The following XRCC4 variants were observed in gnomAD, a reference collection of about 807,000 sequenced individuals.
XRCC4 encodes DNA repair protein XRCC4.
XRCC4 carries 28 observed loss-of-function variants against 39.1 expected under a neutral mutation model. The ratio of observed to expected loss-of-function variants is 0.72; its 90% CI spans 0.53 to 0.98. The LOEUF (loss-of-function observed/expected upper bound fraction) is 0.98, where lower values mean the gene tolerates loss of function less well. Among genes scored for constraint, XRCC4 ranks in the 50% least tolerant of loss-of-function variants. The pLI is 0.00. For synonymous variants in XRCC4, 123 were observed against 126.4 expected, an observed-to-expected ratio of 0.97 and a Z score of 0.18; for missense variants, 350 against 376.4, an observed-to-expected ratio of 0.93 and a Z score of 0.58.
intron 3 of XRCC4, among the ~76,000 whole-genome samples, chr5:83,163,153 G>A (rs1749302005): frequency 6.6e-6 from 1 of 151,790 alleles, no homozygotes; most frequent in Non-Finnish European, 1.5e-5. Context: ...CACCATTTTG[G>A]CCAGGTTGGT....
intron 1 of XRCC4, among the ~76,000 whole-genome samples, chr5:83,086,897 G>A (rs901312823): frequency 3.3e-5 from 5 of 151,960 alleles, no homozygotes; most frequent in East Asian, 1.9e-4. Flanking sequence ...CTGAATGTTC[G>A]TACCTAAATG....
intron 3 of XRCC4, among the ~76,000 whole-genome samples, chr5:83,152,834 G>A (rs1748778988): frequency 6.6e-6 from 1 of 152,114 alleles, no homozygotes; most frequent in Non-Finnish European, 1.5e-5. Context: ...TGGTCGTGCA[G>A]TCGATCTACA....
intron 6 of XRCC4, among the ~76,000 whole-genome samples, chr5:83,257,000 A>C (rs900055937): frequency 6.6e-6 from 1 of 152,140 alleles, no homozygotes; most frequent in Admixed American, 6.6e-5. Context: ...CCAAAACATA[A>C]GATCTGGAAA....
chr5:83,134,998 T>G (rs1747818446), intron 3 of XRCC4, among the ~76,000 whole-genome samples: 1 of 152,128 alleles, frequency 6.6e-6, no homozygotes, highest in Admixed American at 6.5e-5. Context: ...AGGAACAAAC[T>G]CTGGACACAC....
intron 3 of XRCC4, among the ~76,000 whole-genome samples, chr5:83,152,752 T>C (rs1338308305): frequency 1.3e-5 from 2 of 152,202 alleles, no homozygotes; most frequent in African/African-American, 4.8e-5. Flanking sequence ...TTTGACATAA[T>C]TGTAGATTCA....
At chr5:83,275,009 A>C (rs984460484) in intron 7 of XRCC4, among the ~76,000 whole-genome samples, 5 of 152,198 alleles carry the variant, frequency 3.3e-5, no homozygotes, top group African/African-American at 1.2e-4. Context: ...TAACAGACAG[A>C]TCAGTTAGGA....
chr5:83,183,412 TTG>T (rs369446374), intron 3 of XRCC4, among the ~76,000 whole-genome samples: 10,523 of 139,298 alleles, frequency 0.076, 750 homozygotes, highest in East Asian at 0.34. Context: ...TTTCATTTAT[TTG>T]TGTGTGTGTG....
At chr5:83,323,625 T>A (rs1756149808) in intron 7 of XRCC4, among the ~76,000 whole-genome samples, 1 of 152,022 alleles carries the variant, frequency 6.6e-6, no homozygotes, top group African/African-American at 2.4e-5. Context: ...TGCTTAGATG[T>A]TTTTGGCCAA....
intron 7 of XRCC4, among the ~76,000 whole-genome samples, chr5:83,344,205 GAAATTTAAATA>G (rs2112210896): frequency 6.6e-6 from 1 of 151,260 alleles, no homozygotes; most frequent in African/African-American, 2.4e-5. Flanking sequence ...GCATGGTTTT[GAAATTTAAATA>G]AATATAATCA....
In XRCC4 at chr5:83,264,865, G is replaced by T. The variant is rs117000677; in HGVS notation, c.893+6188G>T. On this transcript the variant is annotated intron_variant, in intron 7 of 7. Transcript: ENST00000396027. ...TTTATATATAGAGAGAGTTATACAT[G>T]GAATTACACATATATTACACATACA... Among the ~76,000 whole-genome samples, 7 of 152,144 alleles carry T rather than the reference G, an allele frequency of 4.6e-5. No individual in the cohort carries two copies. In the East Asian group the frequency reaches 9.7e-4, roughly 21 times the overall value.
intron 1 of XRCC4, among the ~76,000 whole-genome samples, chr5:83,090,034 G>A (rs1745351119): frequency 6.6e-6 from 1 of 152,118 alleles, no homozygotes. Context: ...GCAGGAAGCT[G>A]TTCACATCTC....
intron 7 of XRCC4, among the ~76,000 whole-genome samples, chr5:83,297,243 A>C (rs1318731061): frequency 6.6e-6 from 1 of 152,002 alleles, no homozygotes; most frequent in Non-Finnish European, 1.5e-5. Flanking sequence ...ATGATAAAAT[A>C]TTTAAAACAA....
At chr5:83,147,318 G>A (rs375892810) in intron 3 of XRCC4, among the ~76,000 whole-genome samples, 10 of 152,212 alleles carry the variant, frequency 6.6e-5, no homozygotes, top group Admixed American at 1.3e-4. Context: ...TCCATCAGTA[G>A]ATGAATGGAG....
intron 3 of XRCC4, among the ~76,000 whole-genome samples, chr5:83,184,979 G>C (rs760303383): frequency 6.6e-6 from 1 of 152,018 alleles, no homozygotes; most frequent in African/African-American, 2.4e-5. Context: ...GGTTACAGTT[G>C]TTTATTCAGG....
intron 6 of XRCC4, among the ~76,000 whole-genome samples, chr5:83,209,565 A>G (rs886271926): frequency 1.3e-5 from 2 of 152,100 alleles, no homozygotes; most frequent in Admixed American, 1.3e-4. Context: ...TATTTAGTGG[A>G]AAATTTGAAT....
At chr5:83,338,686 G>A (rs746924903) in intron 7 of XRCC4, among the ~76,000 whole-genome samples, 29 of 152,084 alleles carry the variant, frequency 1.9e-4, no homozygotes, top group Non-Finnish European at 3.7e-4. Context: ...ATGTGTTATA[G>A]GCACTCTGTT....
At chr5:83,282,819 G>A (rs572456125) in intron 7 of XRCC4, among the ~76,000 whole-genome samples, 19 of 152,106 alleles carry the variant, frequency 1.2e-4, no homozygotes, top group Non-Finnish European at 2.4e-4. Flanking sequence ...TCCAGCCTGG[G>A]CGACAGAGCA....
At chr5:83,247,441 G>A (rs1269817271) in intron 6 of XRCC4, among the ~76,000 whole-genome samples, 1 of 152,078 alleles carries the variant, frequency 6.6e-6, no homozygotes, top group Non-Finnish European at 1.5e-5. Context: ...ACCTCACCCG[G>A]TCCATGGAAA....
At chr5:83,167,946 A>C (rs1395624145) in intron 3 of XRCC4, among the ~76,000 whole-genome samples, 1 of 152,230 alleles carries the variant, frequency 6.6e-6, no homozygotes, top group East Asian at 1.9e-4. Flanking sequence ...AATTTAAAGG[A>C]GTATAAAATA....
Sources: gnomAD v4.1 joint callset for allele counts (sites outside exome capture counted in the v4.1 genomes callset) on GRCh38, gnomAD v4.1.1 for gene constraint, MANE v1.5 for transcripts, NCBI Gene and HGNC (gene_info 2026-07-23, HGNC 2026-07-21) for gene names.